The following RAMAC variants were observed in gnomAD, a reference collection of about 807,000 sequenced individuals.
RAMAC encodes RNA guanine-N7 methyltransferase activating subunit.
RAMAC carries 11 observed loss-of-function variants against 17.9 expected under a neutral mutation model. The observed-to-expected ratio is 0.61, with a 90% CI of 0.39 to 1.02. The LOEUF (loss-of-function observed/expected upper bound fraction) is 1.02, where lower values mean the gene tolerates loss of function less well. RAMAC is among the 50% of genes least tolerant of loss of function. RAMAC has a pLI of 0.01. For synonymous variants in RAMAC, 27 were observed against 48.4 expected, an observed-to-expected ratio of 0.56 and a Z score of 1.84; for missense variants, 109 against 144.0, an observed-to-expected ratio of 0.76 and a Z score of 1.25.
chr15:82,989,985 C>G lies in RAMAC; in HGVS notation c.275C>G (p.Pro92Arg), dbSNP rs751514592. ...GGACGATCCTGGGGTAACAACTACC[C>G]GCAACACAGACAAGAACCTTACTAT... ...WHGRSWGNNY[P>R]QHRQEPYYPQ... The change falls in exon 4 of 4, where the codon CCG becomes CGG. Residue 92 changes from proline to arginine, a missense_variant. Transcript: ENST00000304191. The G allele has an allele frequency of 1.2e-6, 2 of 1,603,226 alleles. No homozygotes were observed. The highest frequency in any genetic ancestry group is 1.7e-6 in the Non-Finnish European group (2 of 1,172,986).
In RAMAC at chr15:82,987,646, C is replaced by T. The variant is rs573435685; in HGVS notation, c.-10+262C>T. On this transcript the variant is annotated intron_variant, in intron 2 of 3. Transcript: ENST00000304191. ...TAGCTGAATTTATTTAAAACTCATT[C>T]CTTGGATTTGAGAATTTGATATAGT... Among the ~76,000 whole-genome samples, 10 of 152,210 alleles carry T rather than the reference C, an allele frequency of 6.6e-5. No homozygotes were observed. In the East Asian group the frequency reaches 1.9e-3, roughly 29 times the overall value.
At chr15:82,989,468 A>G (rs551481951) in intron 3 of RAMAC, among the ~76,000 whole-genome samples, 1 of 152,352 alleles carries the variant, frequency 6.6e-6, no homozygotes, top group South Asian at 2.1e-4. Context: ...TTAAAAACCT[A>G]GAGTTTTCTA....
rs747821997 is a variant in RAMAC, at chr15:82,989,035, A to C, written c.17A>C (p.Glu6Ala). Reference sequence around the variant, plus strand: ...ATTTTCAGAATGACTGACACTGCCGAAGCTGTTCCAAAGTTTGAAGAGATG... The same window carrying C: ...ATTTTCAGAATGACTGACACTGCCGCAGCTGTTCCAAAGTTTGAAGAGATG... The part of the protein sequence containing the change: MTDTA[E>A]AVPKFEEMFA... The change falls in exon 3 of 4, where the codon GAA becomes GCA. Residue 6 changes from glutamate (E) to alanine (A), a missense_variant. Physicochemically the swap from Glu to Ala is moderately radical, Grantham distance 107. Coordinates refer to ENST00000304191, the MANE Select transcript of RAMAC (RefSeq NM_031452.4). 2.5e-6 allele frequency: 4 copies of C among 1,612,288 alleles called. No individual in the cohort carries two copies. In the African/African-American group the frequency reaches 5.3e-5, roughly 22 times the overall value.
chr15:82,989,910 G>A lies in RAMAC; in HGVS notation c.200G>A (p.Arg67Lys). 6.2e-7 allele frequency: 1 copy of A among 1,612,508 alleles called. No individual in the cohort carries two copies. ...RLQDNRQFRGRDNRWGWPSDN... is the reference protein window; with the variant it reads ...RLQDNRQFRGKDNRWGWPSDN... ...CAAGACAACAGACAGTTCAGAGGCA[G>A]GGACAACAGATGGGGGTGGCCAAGT... is the stretch of plus-strand genomic sequence containing the variant. The change falls in exon 4 of 4, where the codon AGG becomes AAG. Residue 67 changes from arginine to lysine, a missense_variant. Arg to Lys is a conservative substitution (Grantham distance 26). Transcript: ENST00000304191.
In RAMAC at chr15:82,986,325, G is replaced by C. The variant is rs2030604531; in HGVS notation, c.-103G>C. Reference sequence around the variant, plus strand: ...CCTCTCCTGGGCTTCTCAGTGTCTCGCCGGCGGGGTTCGGCCTGAGCTGGA... The same window carrying C: ...CCTCTCCTGGGCTTCTCAGTGTCTCCCCGGCGGGGTTCGGCCTGAGCTGGA... On this transcript the variant is annotated 5_prime_UTR_variant, in exon 1 of 4. Transcript: ENST00000304191. 6.5e-6 allele frequency: 1 copy of C among 154,384 alleles called. No individual in the cohort carries two copies. Among genetic ancestry groups the C allele is most frequent in the African/African-American group, 2.4e-5 (1 of 41,600 alleles). 9.6% of individuals were successfully genotyped at this position (154,384 alleles called of 1,614,324 possible).
chr15:82,989,878 T>A lies in RAMAC; in HGVS notation c.171-3T>A. On this transcript the variant is annotated splice_polypyrimidine_tract_variant and splice_region_variant and intron_variant, in intron 3 of 3. Transcript: ENST00000304191. ...AAAGATCTTTTTTGTTTTATTGTTG[T>A]AGGTTGCAAGACAACAGACAGTTCA... is the stretch of plus-strand genomic sequence containing the variant. The A allele has an allele frequency of 6.2e-7, 1 of 1,613,422 alleles. No homozygotes were observed.
intron 3 of RAMAC, 90 bp downstream of exon 3, chr15:82,989,278 C>A: frequency 7.2e-7 from 1 of 1,390,860 alleles, no homozygotes; most frequent in East Asian, 2.4e-5. Context: ...GGGCAGGGAC[C>A]AGTGTTTTTG....
rs972282993 is a variant in RAMAC at position 82,988,949 on chromosome 15, A to T, written c.-9-61A>T. 6.3e-5 allele frequency: 93 copies of T among 1,476,806 alleles called. No homozygotes were observed. The highest frequency in any genetic ancestry group is 5.4e-4 in the Middle Eastern group (3 of 5,552). The allele number at this position is 1,476,806 out of a possible 1,614,324, so 91.5% of individuals were successfully genotyped here. ...ATTGCTTACTTCTTGGTTTTTCATT[A>T]TTTGGAGAGAGTGTTAATTTTTAAA... On this transcript the variant is annotated intron_variant, in intron 2 of 3. Coordinates refer to ENST00000304191, the MANE Select transcript of RAMAC (RefSeq NM_031452.4).
At chr15:82,987,131 C>T (rs2030650279) in intron 1 of RAMAC, among the ~76,000 whole-genome samples, 1 of 152,136 alleles carries the variant, frequency 6.6e-6, no homozygotes, top group Non-Finnish European at 1.5e-5. Context: ...GTTAGCCAGG[C>T]TGGTCTCGAT....
At chr15:82,989,749 C>A in intron 3 of RAMAC, 132 bp from the exon 4 acceptor site, 1 of 1,159,006 alleles carries the variant, frequency 8.6e-7, no homozygotes, top group Non-Finnish European at 1.2e-6. Context: ...CTATAACATT[C>A]TATTGTGAAA....
At chr15:82,989,316 G>A (rs2030758911) in intron 3 of RAMAC, 128 bp downstream of exon 3, 1 of 695,920 alleles carries the variant, frequency 1.4e-6, no homozygotes, top group Non-Finnish European at 2.2e-6. Context: ...CCTAATAACA[G>A]TACCTGGTAC....
chr15:82,990,704 G>C lies in RAMAC; in HGVS notation c.*637G>C. On this transcript the variant is annotated 3_prime_UTR_variant, in exon 4 of 4. Coordinates refer to ENST00000304191, the MANE Select transcript of RAMAC (RefSeq NM_031452.4). ...TGTCAGTTTGTGTCTTGATCTGGTGGTGGTTGGGATAAGGGTACACATCAT... is the reference window on the plus strand; with the variant it reads ...TGTCAGTTTGTGTCTTGATCTGGTGCTGGTTGGGATAAGGGTACACATCAT... 1 of 1,448,558 alleles carries C rather than the reference G, an allele frequency of 6.9e-7. No homozygotes were observed. Among genetic ancestry groups the C allele is most frequent in the South Asian group, 1.2e-5 (1 of 81,856 alleles). 89.7% of individuals were successfully genotyped at this position (1,448,558 alleles called of 1,614,324 possible).
chr15:82,988,763 A>C, intron 2 of RAMAC: 1 of 476,354 alleles, frequency 2.1e-6, no homozygotes, highest in Non-Finnish European at 4.0e-6. Context: ...GAGCCAGGGA[A>C]GTCAAGGCTG....
Position 82,986,214 on chromosome 15 carries a change from G to A in RAMAC, c.-214G>A, listed in dbSNP as rs920898967. On this transcript the variant is annotated 5_prime_UTR_variant, in exon 1 of 4. Transcript: ENST00000304191. ...AGCCCGCCGGAAGCGGAAGTCAGGT[G>A]GTTGTCGGATTTTAGAGGAAGGCGC... 4 of 661,526 alleles carry A rather than the reference G, an allele frequency of 6.0e-6. No homozygotes were observed. The African/African-American group carries it at 7.8e-5, about 13-fold the overall frequency. The allele number at this position is 661,526 out of a possible 1,614,324, so 41.0% of individuals were successfully genotyped here. A position where few individuals can be genotyped will look rare whatever the true frequency, so the allele number is the denominator to read the frequency against.
At chr15:82,989,838 T>G (rs768827464) in intron 3 of RAMAC, 43 bp from the exon 4 acceptor site, 1 of 1,600,512 alleles carries the variant, frequency 6.2e-7, no homozygotes, top group Non-Finnish European at 8.5e-7. Context: ...ATGTTTTTTT[T>G]AACAAGGGAA....
chr15:82,987,072 C>G (rs900702905), intron 1 of RAMAC, among the ~76,000 whole-genome samples: 3 of 152,182 alleles, frequency 2.0e-5, no homozygotes, highest in African/African-American at 7.2e-5. Context: ...CACATGCCAC[C>G]ACGCCTGGCT....
intron 2 of RAMAC, among the ~76,000 whole-genome samples, 177 bp downstream of exon 2, chr15:82,987,561 A>G: frequency 6.6e-6 from 1 of 152,162 alleles, no homozygotes; most frequent in East Asian, 1.9e-4. Context: ...TGGATTAGGT[A>G]TGGGTCATCT....
At chr15:82,988,284 C>G (rs1023432961) in intron 2 of RAMAC, among the ~76,000 whole-genome samples, 1 of 152,062 alleles carries the variant, frequency 6.6e-6, no homozygotes, top group African/African-American at 2.4e-5. Context: ...GTGCTGAGAT[C>G]GCGCCATTGC....
chr15:82,988,834 TCA>T, intron 2 of RAMAC, 174 bp from the exon 3 acceptor site: 1 of 554,122 alleles, frequency 1.8e-6, no homozygotes, highest in South Asian at 2.2e-5. Context: ...AGACCCTGTC[TCA>T]AAAAAAAAAA....
Sources: allele counts gnomAD v4.1 joint callset (sites outside exome capture counted in the v4.1 genomes callset), GRCh38; gene constraint gnomAD v4.1.1; transcripts MANE v1.5; gene names NCBI Gene and HGNC (gene_info 2026-07-23, HGNC 2026-07-21).